The following USP40 variants were observed in gnomAD, a reference collection of about 807,000 sequenced individuals.
The protein encoded by USP40 is ubiquitin specific peptidase 40, also known as ubiquitin carboxyl-terminal hydrolase 40.
Under a neutral mutation model 166.2 loss-of-function variants are expected in USP40, and 143 were observed. That is an observed-to-expected ratio of 0.86 (90% confidence interval 0.75 to 0.99). USP40 has a LOEUF of 0.99. Ranked by LOEUF, USP40 falls within the 50% of genes least tolerant of loss-of-function variation. The pLI, the probability that USP40 is intolerant of heterozygous loss-of-function variation, is 0.00. For synonymous variants in USP40, 498 were observed against 524.0 expected (o/e 0.95, Z 0.68); for missense variants, 1,444 against 1,479.7 (o/e 0.98, Z 0.40).
chr2:233,555,924 C>T (rs1245371395), intron 5 of USP40, among the ~76,000 whole-genome samples: 2 of 151,834 alleles, frequency 1.3e-5, no homozygotes, highest in Admixed American at 1.3e-4. Context: ...ACCATCCTGG[C>T]TAACATGGTG....
At chr2:233,552,247 C>T (rs1353824600) in intron 6 of USP40, among the ~76,000 whole-genome samples, 1 of 149,412 alleles carries the variant, frequency 6.7e-6, no homozygotes, top group Non-Finnish European at 1.5e-5. Context: ...CAAAAAACCC[C>T]AGCAATATAA....
intron 24 of USP40, among the ~76,000 whole-genome samples, chr2:233,494,575 A>C (rs985398981): frequency 6.6e-6 from 1 of 151,994 alleles, no homozygotes; most frequent in African/African-American, 2.4e-5. Flanking sequence ...CCCTCTTTAA[A>C]AGATTTTTGG....
chr2:233,541,605 T>C (rs2069420747), intron 9 of USP40, among the ~76,000 whole-genome samples: 1 of 152,238 alleles, frequency 6.6e-6, no homozygotes. Flanking sequence ...AGTAAATTCA[T>C]ACAATAGTCA....
rs757965838 is a variant in USP40 at position 233,559,868 on chromosome 2, G to A, written c.324C>T (p.Asp108=). The change falls in exon 4 of 32, where the codon GAC becomes GAT. Residue 108 remains aspartate (D), a synonymous_variant. Transcript: ENST00000678225. ...QRLFAQLLLL[D]QEAASTADLT... ...GGTCTGCTGTGGATGCAGCTTCCTG[G>A]TCTAAGAGCAGAAGCTGAGCAAACA... The A allele has an allele frequency of 1.2e-6, 2 of 1,610,618 alleles. No individual in the cohort carries two copies. The highest frequency in any genetic ancestry group is 4.5e-5 in the East Asian group (2 of 44,858).
chr2:233,523,511 CATT>C, intron 15 of USP40, 22 bp from the exon 16 acceptor site: 1 of 1,595,434 alleles, frequency 6.3e-7, no homozygotes. Flanking sequence ...CCAAGACAAC[CATT>C]AGTACAGCTG....
intron 21 of USP40, among the ~76,000 whole-genome samples, chr2:233,505,166 C>T (rs1226787489): frequency 6.6e-6 from 1 of 151,912 alleles, no homozygotes; most frequent in Non-Finnish European, 1.5e-5. Flanking sequence ...ACATATTATA[C>T]CAAAACCCAT....
intron 12 of USP40, among the ~76,000 whole-genome samples, chr2:233,528,383 C>T (rs573916773): frequency 1.4e-4 from 21 of 152,242 alleles, no homozygotes; most frequent in African/African-American, 4.8e-4. Flanking sequence ...TCTGAATCCA[C>T]TTGGCTGACT....
chr2:233,485,395 CT>C (rs1303314564), intron 30 of USP40, 135 bp downstream of exon 30: 3 of 768,246 alleles, frequency 3.9e-6, no homozygotes, highest in Middle Eastern at 3.0e-4. Flanking sequence ...AGTTTTCCCT[CT>C]TTTTTATCCA....
chr2:233,561,046 A>G (rs777034094), intron 3 of USP40: 22 of 1,232,166 alleles, frequency 1.8e-5, no homozygotes, highest in Non-Finnish European at 2.6e-5. Context: ...GGAAATAAAG[A>G]GCATATTTGA....
In USP40 at chr2:233,493,504, T is replaced by C. The variant is rs753786759; in HGVS notation, c.2838A>G (p.Ser946=). Residue 946 remains serine (S), a synonymous_variant, in exon 25 of 32, where the codon TCA becomes TCG. Coordinates refer to ENST00000678225, the MANE Select transcript of USP40 (RefSeq NM_001365479.2). The surrounding 1 kb of genome is among the most constrained non-coding windows in gnomAD (Gnocchi z 4.7). ...PIWWYQLQGP[S]GHWESHQDQT... Reference sequence around the variant, plus strand: ...GGTCCTGATGACTCTCCCAGTGTCCTGAGGGACCCTGAAGCTGGTACCACC... The same window carrying C: ...GGTCCTGATGACTCTCCCAGTGTCCCGAGGGACCCTGAAGCTGGTACCACC... 10 of 1,613,656 alleles carry C rather than the reference T, an allele frequency of 6.2e-6. No individual in the cohort carries two copies. The highest frequency in any genetic ancestry group is 3.3e-5 in the Admixed American group (2 of 59,960).
intron 30 of USP40, among the ~76,000 whole-genome samples, chr2:233,484,997 G>A (rs2064853972): frequency 6.6e-6 from 1 of 152,194 alleles, no homozygotes; most frequent in African/African-American, 2.4e-5. Flanking sequence ...GCACAGTGTT[G>A]CTGCTAGAGG....
chr2:233,514,329 TG>T (rs1463730985), intron 18 of USP40, among the ~76,000 whole-genome samples: 1 of 152,158 alleles, frequency 6.6e-6, no homozygotes, highest in Non-Finnish European at 1.5e-5. Context: ...TGGGACTGTG[TG>T]GTCAGGGATG....
intron 9 of USP40, 25 bp from the exon 10 acceptor site, chr2:233,540,794 A>C (rs909182452): frequency 3.2e-6 from 5 of 1,565,156 alleles, no homozygotes; most frequent in Non-Finnish European, 4.4e-6. Flanking sequence ...ACAGTCACTC[A>C]AGAAAATCTG....
intron 11 of USP40, among the ~76,000 whole-genome samples, chr2:233,532,558 T>G (rs1348096016): frequency 6.6e-6 from 1 of 152,226 alleles, no homozygotes; most frequent in Non-Finnish European, 1.5e-5. Context: ...GAGTGTACTT[T>G]TGTTTTCCAT....
At chr2:233,546,471 C>T (rs1055637707) in intron 8 of USP40, 4 of 152,150 alleles carry the variant, frequency 2.6e-5, no homozygotes, top group African/African-American at 9.7e-5. Flanking sequence ...TTCAAACTGG[C>T]TGAGCAAAAA....
chr2:233,554,588 A>G (rs2070881390), intron 5 of USP40, 62 bp from the exon 6 acceptor site: 1 of 1,326,412 alleles, frequency 7.5e-7, no homozygotes, highest in African/African-American at 1.5e-5. Flanking sequence ...CACATCATCA[A>G]CTCACATATA....
intron 17 of USP40, 59 bp from the exon 18 acceptor site, chr2:233,519,730 A>G: frequency 1.0e-6 from 1 of 986,230 alleles, no homozygotes. Flanking sequence ...GATGAAAATG[A>G]GGATTGTCAC....
rs550297355 is a variant in USP40, at chr2:233,518,152, CACCTGT to C, written c.2383+1456_2383+1461del. ...AGAATTTACTCATGTAACCAAACAC[CACCTGT>C]ACCCCAATAACCTATGGAAAAAATA... On this transcript the variant is annotated intron_variant, in intron 18 of 31. Coordinates refer to ENST00000678225, the MANE Select transcript of USP40 (RefSeq NM_001365479.2). Among the ~76,000 whole-genome samples, 531 of 150,070 alleles carry C rather than the reference CACCTGT, an allele frequency of 3.5e-3. 5 individuals carry two copies. Among genetic ancestry groups the C allele is most frequent in the African/African-American group, 0.013 (516 of 40,800 alleles).
At chr2:233,565,702 T>C (rs2072082195) in intron 1 of USP40, 129 bp from the exon 2 acceptor site, 1 of 840,068 alleles carries the variant, frequency 1.2e-6, no homozygotes, top group South Asian at 1.9e-5. Context: ...TGTACAGTAG[T>C]TGGGTTTTGG....
Sources: allele counts gnomAD v4.1 joint callset (sites outside exome capture counted in the v4.1 genomes callset), GRCh38; gene constraint gnomAD v4.1.1; non-coding constraint Gnocchi (gnomAD v3.1); transcripts MANE v1.5; gene names NCBI Gene and HGNC (gene_info 2026-07-23, HGNC 2026-07-21).